AKAP13: variants seen among roughly 807,000 people sequenced by gnomAD.
The protein encoded by AKAP13 is A-kinase anchoring protein 13.
In AKAP13, 80 loss-of-function variants were observed where a neutral mutation model predicts 264.5. That is an observed-to-expected ratio of 0.30 (90% CI 0.25 to 0.36). The LOEUF (loss-of-function observed/expected upper bound fraction) is 0.36. AKAP13 is among the 10% of genes least tolerant of loss of function. The pLI, the probability that AKAP13 is intolerant of heterozygous loss-of-function variation, is 1.00. For missense variants in AKAP13, 3,712 were observed against 3,435.2 expected, an observed-to-expected ratio of 1.08 and a Z score of -2.01; for synonymous variants, 1,380 against 1,250.2, an observed-to-expected ratio of 1.10 and a Z score of -2.19.
intron 3 of AKAP13, among the ~76,000 whole-genome samples, chr15:85,529,554 C>T (rs1026325066): frequency 1.4e-4 from 21 of 152,096 alleles, no homozygotes; most frequent in Non-Finnish European, 2.4e-4. Flanking sequence ...TAGGCATACG[C>T]GGTGTAAAAT....
At chr15:85,689,965 C>G (rs1248633793) in intron 16 of AKAP13, 1 of 152,274 alleles carries the variant, frequency 6.6e-6, no homozygotes, top group East Asian at 1.9e-4. Context: ...AGCTGCTGAG[C>G]TCTGCCCTGA....
chr15:85,623,715 C>T (rs2081291294), intron 8 of AKAP13, among the ~76,000 whole-genome samples: 1 of 152,180 alleles, frequency 6.6e-6, no homozygotes, highest in Admixed American at 6.5e-5. Flanking sequence ...GATAGTATTC[C>T]TTGGTCACCC....
At position 85,693,334 on chromosome 15, in the gene AKAP13, G is replaced by A; in HGVS notation, c.5347G>A (p.Glu1783Lys). ...KEKEKDSKDKEKDKKTVNGHT... is the reference protein window; with the variant it reads ...KEKEKDSKDKKKDKKTVNGHT... Reference sequence around the variant, plus strand: ...GAAGGAGAAAGATTCTAAAGACAAGGAGAAAGATAAGAAGACTGTCAACGG... The same window carrying A: ...GAAGGAGAAAGATTCTAAAGACAAGAAGAAAGATAAGAAGACTGTCAACGG... The change falls in exon 17 of 37, where the codon GAG becomes AAG. Residue 1783 changes from glutamate to lysine, a missense_variant. By Grantham distance (56) the Glu-to-Lys change is moderately conservative. Around this residue, in one of 3 missense-constraint regions of AKAP13, gnomAD observed 2,759 missense variants for 2,411.7 expected, o/e 1.14. Transcript: ENST00000394518. The A allele has an allele frequency of 6.2e-7, 1 of 1,612,918 alleles. No individual in the cohort carries two copies. The highest frequency in any genetic ancestry group is 8.5e-7 in the Non-Finnish European group (1 of 1,179,772).
Position 85,533,666 on chromosome 15 carries a change from C to G in AKAP13, c.264C>G (p.Asp88Glu), listed in dbSNP as rs1411245337. Reference protein sequence around the residue: ...GLPVFVVAEEDFHFVQDEAYD... With the variant: ...GLPVFVVAEEEFHFVQDEAYD... ...CCGTGTTTGTGGTGGCTGAAGAAGA[C>G]TTTCATTTCGTCCAGGATGAAGCGT... The change falls in exon 4 of 37, where the codon GAC becomes GAG. Residue 88 changes from aspartate to glutamate, a missense_variant. Physicochemically the swap from Asp to Glu is conservative, Grantham distance 45. Around this residue, in one of 3 missense-constraint regions of AKAP13, gnomAD observed 2,759 missense variants for 2,411.7 expected, o/e 1.14. Coordinates refer to ENST00000394518, the MANE Select transcript of AKAP13 (RefSeq NM_007200.5). 6.2e-7 allele frequency: 1 copy of G among 1,614,072 alleles called. No homozygotes were observed. The highest frequency in any genetic ancestry group is 8.5e-7 in the Non-Finnish European group (1 of 1,180,022).
chr15:85,667,265 G>A (rs2083655555), intron 13 of AKAP13, among the ~76,000 whole-genome samples: 2 of 152,300 alleles, frequency 1.3e-5, no homozygotes, highest in Non-Finnish European at 2.9e-5. Context: ...TTATGCTTGT[G>A]TGAGACCAGA....
At chr15:85,624,813 A>G (rs1374284879) in intron 8 of AKAP13, among the ~76,000 whole-genome samples, 2 of 152,226 alleles carry the variant, frequency 1.3e-5, no homozygotes, top group Non-Finnish European at 2.9e-5. Flanking sequence ...GTACAGCTCT[A>G]TTTCTGACTG....
Position 85,658,521 on chromosome 15 carries a change from C to T in AKAP13, c.4746-16C>T. 6.2e-7 allele frequency: 1 copy of T among 1,613,472 alleles called. No homozygotes were observed. Among genetic ancestry groups the T allele is most frequent in the South Asian group, 1.1e-5 (1 of 90,996 alleles). Reference sequence around the variant, plus strand: ...GTTTCACCTGCAACACTGACCTCTTCACCATTCATTTTCAGTTCAATGCGA... The same window carrying T: ...GTTTCACCTGCAACACTGACCTCTTTACCATTCATTTTCAGTTCAATGCGA... On this transcript the variant is annotated splice_polypyrimidine_tract_variant and intron_variant, in intron 11 of 36. Transcript: ENST00000394518.
chr15:85,514,385 C>T (rs2076538874), intron 2 of AKAP13, among the ~76,000 whole-genome samples: 1 of 138,406 alleles, frequency 7.2e-6, no homozygotes, highest in Admixed American at 7.3e-5. Context: ...GAGGAAGCCA[C>T]TTGAGTCTGG....
At chr15:85,709,388 C>A (rs983839001) in intron 18 of AKAP13, among the ~76,000 whole-genome samples, 1 of 152,168 alleles carries the variant, frequency 6.6e-6, no homozygotes, top group African/African-American at 2.4e-5. Flanking sequence ...CCATCAGTGG[C>A]GCCTGAGCAC....
intron 8 of AKAP13, among the ~76,000 whole-genome samples, chr15:85,604,403 A>G (rs1428296736): frequency 1.3e-5 from 2 of 151,952 alleles, no homozygotes; most frequent in Non-Finnish European, 2.9e-5. Context: ...TTCTGTCTGT[A>G]TAGAATTTGG....
chr15:85,525,021 C>T (rs1317446414), intron 3 of AKAP13, among the ~76,000 whole-genome samples: 4 of 151,128 alleles, frequency 2.6e-5, no homozygotes, highest in Non-Finnish European at 5.9e-5. Context: ...AGGGCAGGTA[C>T]GTGGAGACTT....
rs984765978 is a variant in AKAP13, at chr15:85,447,689, G to A, written c.-11-38021G>A. On this transcript the variant is annotated intron_variant, in intron 1 of 36. Transcript: ENST00000394518. ...CTCCAGCTTCATCCATGTTCCCAGA[G>A]AAGACATGATCTCATTCTTTTTAAT... is the stretch of plus-strand genomic sequence containing the variant. Among the ~76,000 whole-genome samples, 19 of 152,140 alleles carry A rather than the reference G, an allele frequency of 1.2e-4. 1 individual carries two copies. The highest frequency in any genetic ancestry group is 1.2e-3 in the Admixed American group (19 of 15,278).
intron 1 of AKAP13, among the ~76,000 whole-genome samples, chr15:85,408,329 T>G (rs552392347): frequency 6.6e-6 from 1 of 151,988 alleles, no homozygotes; most frequent in Non-Finnish European, 1.5e-5. Context: ...ATTTACCATC[T>G]TAACCATTTA....
intron 14 of AKAP13, among the ~76,000 whole-genome samples, chr15:85,680,298 A>G (rs2084514458): frequency 1.3e-5 from 2 of 152,136 alleles, no homozygotes; most frequent in Admixed American, 6.5e-5. Context: ...GATTTAAACT[A>G]TCCTCTTGAT....
chr15:85,502,231 G>C (rs924942880), intron 2 of AKAP13, among the ~76,000 whole-genome samples: 8 of 152,192 alleles, frequency 5.3e-5, no homozygotes, highest in Admixed American at 5.2e-4. Context: ...CTGCCCTACT[G>C]TGGGAGGCTT....
Position 85,693,003 on chromosome 15 carries a change from G to A in AKAP13, c.5290-274G>A, listed in dbSNP as rs2085375818. 5.6e-6 allele frequency: 2 copies of A among 358,440 alleles called. 1 individual carries two copies. The highest frequency in any genetic ancestry group is 1.6e-3 in the Middle Eastern group (2 of 1,256). The allele number at this position is 358,440 out of a possible 1,614,324, so 22.2% of individuals were successfully genotyped here. On this transcript the variant is annotated intron_variant, in intron 16 of 36. Transcript: ENST00000394518. ...AAGCCTCCTTGCAGTGCTGGTCCTT[G>A]GGTATTGTGTCTGTTGGTAGAAGTA...
At chr15:85,473,838 A>G (rs1596290683) in intron 1 of AKAP13, among the ~76,000 whole-genome samples, 1 of 152,246 alleles carries the variant, frequency 6.6e-6, no homozygotes, top group East Asian at 1.9e-4. Flanking sequence ...ATGAGATGCC[A>G]TCTGTGCAGC....
Position 85,579,795 on chromosome 15 carries a change from A to G in AKAP13, c.1727A>G (p.Glu576Gly). The G allele has an allele frequency of 4.3e-6, 7 of 1,614,234 alleles. No homozygotes were observed. Among genetic ancestry groups the G allele is most frequent in the Non-Finnish European group, 5.9e-6 (7 of 1,180,044 alleles). The change falls in exon 7 of 37, where the codon GAG becomes GGG. Residue 576 changes from glutamate (E) to glycine (G), a missense_variant. This residue lies in a region of AKAP13 where 2,759 missense variants were observed against 2,411.7 expected (regional missense o/e 1.14). Transcript: ENST00000394518. ...ACGGAAACTTCACGAAGTCGTGAGGAGAGTGCTGATGCTCCAGTAGATCAG... is the reference window on the plus strand; with the variant it reads ...ACGGAAACTTCACGAAGTCGTGAGGGGAGTGCTGATGCTCCAGTAGATCAG... ...AETETSRSRE[E>G]SADAPVDQNS...
intron 1 of AKAP13, among the ~76,000 whole-genome samples, chr15:85,421,368 CCT>C (rs1187510953): frequency 6.6e-6 from 1 of 152,224 alleles, no homozygotes; most frequent in Non-Finnish European, 1.5e-5. Flanking sequence ...AATAATTCTC[CCT>C]CTCTGGTTAT....
Sources: gnomAD v4.1 joint callset for allele counts (sites outside exome capture counted in the v4.1 genomes callset) on GRCh38, gnomAD v4.1.1 for gene constraint, gnomAD v4.1.1 regional missense constraint, MANE v1.5 for transcripts, NCBI Gene and HGNC (gene_info 2026-07-23, HGNC 2026-07-21) for gene names.